Variants in COBL observed in about 807,000 individuals in gnomAD.
COBL encodes cordon-bleu WH2 repeat protein, also known as protein cordon-bleu.
A neutral mutation model predicts 98.8 loss-of-function variants in COBL; 51 were observed. The observed-to-expected ratio is 0.52, with a 90% CI of 0.41 to 0.65. The LOEUF is 0.65. Ranked by LOEUF, COBL falls within the 30% of genes least tolerant of loss-of-function variation. The probability of loss-of-function intolerance (pLI) is 0.00; values close to 1 mark genes in which losing one functional copy is unlikely to be tolerated. For missense variants in COBL, 1,617 were observed against 1,617.5 expected (o/e 1.00, Z 0.01); for synonymous variants, 634 against 651.7 (o/e 0.97, Z 0.41).
At chr7:51,025,513 G>T in intron 11 of COBL, 141 bp from the exon 12 acceptor site, 1 of 788,402 alleles carries the variant, frequency 1.3e-6, no homozygotes, top group South Asian at 1.8e-5. Flanking sequence ...CTCATGAATG[G>T]GATTAGTGCT....
chr7:51,212,165 A>T (rs1230994313), intron 2 of COBL, among the ~76,000 whole-genome samples: 1 of 152,170 alleles, frequency 6.6e-6, no homozygotes, highest in Non-Finnish European at 1.5e-5. Context: ...CTGATTTTAA[A>T]CTTAATAGAA....
chr7:51,223,271 C>T (rs77911437), intron 1 of COBL, among the ~76,000 whole-genome samples: 3,868 of 152,338 alleles, frequency 0.025, 64 homozygotes, highest in South Asian at 0.048. Context: ...GTGTGTGTGC[C>T]TGCGTGTGCA....
In COBL at chr7:51,146,105, G is replaced by C. The variant is rs146489493; in HGVS notation, c.784-9774C>G. Among the ~76,000 whole-genome samples the C allele has an allele frequency of 3.9e-3, 588 of 152,238 alleles. 1 individual carries two copies. Among genetic ancestry groups the C allele is most frequent in the African/African-American group, 0.014 (565 of 41,554 alleles). On this transcript the variant is annotated intron_variant, in intron 5 of 12. Coordinates refer to ENST00000265136, the MANE Select transcript of COBL (RefSeq NM_015198.5). ...CAAGCCCCATGATTTCATATGCATG[G>C]GTTTCACATGCAAGGTGCCAGCCTC...
chr7:51,308,051 A>G (rs952343309), intron 1 of COBL, among the ~76,000 whole-genome samples: 4 of 152,246 alleles, frequency 2.6e-5, no homozygotes, highest in Non-Finnish European at 5.9e-5. Context: ...ACAACAAGAC[A>G]GATGGATAGG....
chr7:51,134,729 T>G (rs114395895), intron 6 of COBL, among the ~76,000 whole-genome samples: 2,621 of 152,238 alleles, frequency 0.017, 83 homozygotes, highest in African/African-American at 0.06. Context: ...ATCAATATGG[T>G]CTGCATATTA....
chr7:51,146,254 C>T (rs1785020115), intron 5 of COBL, among the ~76,000 whole-genome samples: 1 of 152,222 alleles, frequency 6.6e-6, no homozygotes, highest in African/African-American at 2.4e-5. Context: ...AAGTAAATCA[C>T]TCACAAATTT....
At chr7:51,092,155 T>C (rs1456817739) in intron 6 of COBL, among the ~76,000 whole-genome samples, 1 of 152,326 alleles carries the variant, frequency 6.6e-6, no homozygotes, top group East Asian at 1.9e-4. Flanking sequence ...ATCTAGATTG[T>C]GCACTCCTTA....
chr7:51,028,110 T>A lies in COBL; in HGVS notation c.2986A>T (p.Ser996Cys), dbSNP rs755909358. 2 of 1,614,164 alleles carry A rather than the reference T, an allele frequency of 1.2e-6. No individual in the cohort carries two copies. ...RVSVGQSCGF[S>C]GKQSTSSQEA... ...TGGCTACTTGTGCTTTGCTTTCCAC[T>A]GAAACCACAGCTCTGTCCCACAGAA... The change falls in exon 10 of 13, where the codon AGT becomes TGT. Residue 996 changes from serine to cysteine, a missense_variant. Ser to Cys is a moderately radical substitution (Grantham distance 112, BLOSUM62 -1). Around this residue, in one of 3 missense-constraint regions of COBL, gnomAD observed 1,304 missense variants for 1,282.0 expected, o/e 1.02. Transcript: ENST00000265136.
At chr7:51,025,503 C>T in intron 11 of COBL, 131 bp from the exon 12 acceptor site, 1 of 869,070 alleles carries the variant, frequency 1.2e-6, no homozygotes, top group Non-Finnish European at 1.8e-6. Context: ...AGGTGGAGCC[C>T]TCATGAATGG....
intron 6 of COBL, among the ~76,000 whole-genome samples, chr7:51,121,143 A>AC (rs1797700952): frequency 6.6e-6 from 1 of 152,206 alleles, no homozygotes; most frequent in African/African-American, 2.4e-5. Flanking sequence ...CCAACAATGC[A>AC]CAAGGGTTCC....
At chr7:51,267,220 C>T (rs757880820) in intron 1 of COBL, among the ~76,000 whole-genome samples, 1 of 152,138 alleles carries the variant, frequency 6.6e-6, no homozygotes, top group Non-Finnish European at 1.5e-5. Flanking sequence ...TTTAACAATG[C>T]CAAACCTGGT....
intron 6 of COBL, among the ~76,000 whole-genome samples, chr7:51,113,318 G>A (rs1390040978): frequency 6.6e-6 from 1 of 152,186 alleles, no homozygotes; most frequent in Non-Finnish European, 1.5e-5. Flanking sequence ...CAGGCTTACT[G>A]TTCTATCAAC....
At chr7:51,203,599 C>T (rs1791374751) in intron 2 of COBL, among the ~76,000 whole-genome samples, 1 of 142,960 alleles carries the variant, frequency 7.0e-6, no homozygotes. Flanking sequence ...TACAAAAATA[C>T]ACTAACAAAT....
intron 1 of COBL, among the ~76,000 whole-genome samples, chr7:51,245,075 T>C (rs1563082753): frequency 6.6e-6 from 1 of 152,114 alleles, no homozygotes; most frequent in East Asian, 1.9e-4. Flanking sequence ...ATGTCCCAAT[T>C]TCCTCATAGC....
chr7:51,031,067 A>G (rs1788095206), intron 8 of COBL, 158 bp from the exon 9 acceptor site: 1 of 627,022 alleles, frequency 1.6e-6, no homozygotes, highest in African/African-American at 1.8e-5. Context: ...GGAGACGCAG[A>G]TTGTTCATGG....
chr7:51,242,716 A>T (rs910597269), intron 1 of COBL, among the ~76,000 whole-genome samples: 1 of 152,172 alleles, frequency 6.6e-6, no homozygotes, highest in Non-Finnish European at 1.5e-5. Context: ...ACACAGCTAG[A>T]TACCCACCAT....
intron 1 of COBL, among the ~76,000 whole-genome samples, chr7:51,291,949 G>T (rs1800942211): frequency 6.6e-6 from 1 of 152,000 alleles, no homozygotes; most frequent in Admixed American, 6.6e-5. Flanking sequence ...ATTACCTGAG[G>T]TCAGGAGCTG....
chr7:51,126,115 G>A (rs944893175), intron 6 of COBL, among the ~76,000 whole-genome samples: 2 of 152,180 alleles, frequency 1.3e-5, no homozygotes, highest in Non-Finnish European at 2.9e-5. Context: ...ATTACTTGAG[G>A]TCAGGAGTTC....
At chr7:51,252,775 G>A (rs1420952830) in intron 1 of COBL, among the ~76,000 whole-genome samples, 4 of 152,138 alleles carry the variant, frequency 2.6e-5, no homozygotes, top group Admixed American at 6.5e-5. Flanking sequence ...TTATTCCAAT[G>A]TAATGGTTTT....
Sources: allele counts gnomAD v4.1 joint callset (sites outside exome capture counted in the v4.1 genomes callset), GRCh38; gene constraint gnomAD v4.1.1; regional missense constraint gnomAD v4.1.1; transcripts MANE v1.5; gene names NCBI Gene and HGNC (gene_info 2026-07-23, HGNC 2026-07-21).